The following NWD2 variants were observed in gnomAD, a reference collection of about 807,000 sequenced individuals.
NWD2 encodes NACHT and WD repeat domain containing 2, also known as NACHT and WD repeat domain-containing protein 2.
Under a neutral mutation model 132.7 loss-of-function variants are expected in NWD2, and 37 were observed. The observed-to-expected ratio is 0.28, with a 90% CI of 0.21 to 0.37. NWD2 has a LOEUF of 0.37. Among genes scored for constraint, NWD2 ranks in the 10% least tolerant of loss-of-function variants. The probability of loss-of-function intolerance (pLI) is 1.00; values close to 1 mark genes in which losing one functional copy is unlikely to be tolerated. For synonymous variants in NWD2, 705 were observed against 803.0 expected, an observed-to-expected ratio of 0.88 and a Z score of 2.06; for missense variants, 1,592 against 2,122.4, an observed-to-expected ratio of 0.75 and a Z score of 4.91.
rs530080009 is a variant in NWD2, at chr4:37,439,987, G to A, written c.1296+597G>A. ...GGTAAGGTGGCCAGAAAGTTATTAC[G>A]TAACCAGTGCTGTTCTGAACTGGAC... On this transcript the variant is annotated intron_variant, in intron 6 of 6. Coordinates refer to ENST00000309447, the MANE Select transcript of NWD2 (RefSeq NM_001144990.2). This position sits in a 1 kb window ranked among gnomAD's most constrained non-coding sequence, Gnocchi z 4.5. 8.5e-5 allele frequency among the ~76,000 whole-genome samples: 13 copies of A among 152,224 alleles called. No homozygotes were observed. Among genetic ancestry groups the A allele is most frequent in the South Asian group, 6.2e-4 (3 of 4,814 alleles).
At chr4:37,390,958 CA>C (rs1720668972) in intron 3 of NWD2, among the ~76,000 whole-genome samples, 2 of 152,180 alleles carry the variant, frequency 1.3e-5, no homozygotes, top group South Asian at 4.1e-4. Context: ...AATAAAGTTG[CA>C]GAATTTATCT....
In NWD2 at chr4:37,309,995, G is replaced by A. The variant is rs560004095; in HGVS notation, c.152-15941G>A. Among the ~76,000 whole-genome samples, 3 of 152,158 alleles carry A rather than the reference G, an allele frequency of 2.0e-5. No homozygotes were observed. In the East Asian group the frequency reaches 5.8e-4, roughly 29 times the overall value. On this transcript the variant is annotated intron_variant, in intron 1 of 6. Coordinates refer to ENST00000309447, the MANE Select transcript of NWD2 (RefSeq NM_001144990.2). ...TCTAGCTGGTGAAGATTTATTTCTA[G>A]TTCACTGCCACACTGAAGATACACC...
intron 3 of NWD2, among the ~76,000 whole-genome samples, chr4:37,378,158 C>T (rs1720383250): frequency 6.6e-6 from 1 of 152,132 alleles, no homozygotes; most frequent in Admixed American, 6.6e-5. Context: ...CCACCTATAT[C>T]CCACCCTCCC....
chr4:37,269,826 T>G (rs995650480), intron 1 of NWD2, among the ~76,000 whole-genome samples: 1 of 151,906 alleles, frequency 6.6e-6, no homozygotes, highest in African/African-American at 2.4e-5. Flanking sequence ...TGAACATTTT[T>G]AGAGAGTCTC....
chr4:37,385,093 GCT>G (rs1720533365), intron 3 of NWD2, among the ~76,000 whole-genome samples: 1 of 152,108 alleles, frequency 6.6e-6, no homozygotes, highest in African/African-American at 2.4e-5. Flanking sequence ...GTAGAACCCA[GCT>G]TCATGGAGTG....
chr4:37,356,094 A>G (rs1419884009), intron 2 of NWD2, among the ~76,000 whole-genome samples: 1 of 152,212 alleles, frequency 6.6e-6, no homozygotes, highest in East Asian at 1.9e-4. Flanking sequence ...CAAGACAACA[A>G]AAGCCCGTGC....
intron 1 of NWD2, among the ~76,000 whole-genome samples, chr4:37,264,419 C>A (rs1403898673): frequency 1.3e-5 from 2 of 152,038 alleles, no homozygotes; most frequent in Non-Finnish European, 2.9e-5. Context: ...TTTTCATAAC[C>A]AGCTGACCTT....
At chr4:37,319,902 T>C (rs1719034388) in intron 1 of NWD2, among the ~76,000 whole-genome samples, 1 of 152,208 alleles carries the variant, frequency 6.6e-6, no homozygotes, top group South Asian at 2.1e-4. Flanking sequence ...TGAAGTCAGG[T>C]AATGTGATCC....
intron 3 of NWD2, among the ~76,000 whole-genome samples, chr4:37,413,873 A>G (rs923108744): frequency 6.6e-6 from 1 of 152,192 alleles, no homozygotes; most frequent in African/African-American, 2.4e-5. Flanking sequence ...TCACAAGAAC[A>G]GAAAACCAAA....
intron 1 of NWD2, among the ~76,000 whole-genome samples, chr4:37,284,333 C>T (rs1718183922): frequency 6.6e-6 from 1 of 152,220 alleles, no homozygotes; most frequent in Non-Finnish European, 1.5e-5. Flanking sequence ...CCAAAAGCCT[C>T]TCCCTCTATT....
intron 3 of NWD2, among the ~76,000 whole-genome samples, chr4:37,358,628 C>G (rs55922009): frequency 0.025 from 3,820 of 152,210 alleles, 76 homozygotes; most frequent in Middle Eastern, 0.037. Context: ...CTCCACTATT[C>G]TAAGCCTCAG....
intron 3 of NWD2, among the ~76,000 whole-genome samples, chr4:37,405,133 T>C (rs1401628792): frequency 1.3e-5 from 2 of 152,210 alleles, no homozygotes; most frequent in Admixed American, 6.5e-5. Context: ...GTAAAGATTT[T>C]CCTGTAGTTC....
intron 3 of NWD2, among the ~76,000 whole-genome samples, chr4:37,390,970 G>A (rs1720669115): frequency 6.6e-6 from 1 of 152,178 alleles, no homozygotes; most frequent in Non-Finnish European, 1.5e-5. Flanking sequence ...GAATTTATCT[G>A]TTAAGTGTTC....
intron 3 of NWD2, among the ~76,000 whole-genome samples, chr4:37,384,165 T>G (rs1020352555): frequency 6.6e-5 from 10 of 152,328 alleles, no homozygotes; most frequent in African/African-American, 2.4e-4. Context: ...ATCTTCTGGC[T>G]TTTAAACAGT....
intron 3 of NWD2, among the ~76,000 whole-genome samples, chr4:37,422,147 CA>C (rs1711835005): frequency 6.6e-6 from 1 of 152,196 alleles, no homozygotes; most frequent in Admixed American, 6.5e-5. Context: ...TAGTCCATAG[CA>C]ATACTGGCCT....
chr4:37,384,630 C>T (rs535377339), intron 3 of NWD2, among the ~76,000 whole-genome samples: 1 of 152,330 alleles, frequency 6.6e-6, no homozygotes, highest in Non-Finnish European at 1.5e-5. Flanking sequence ...TCACAGTGCA[C>T]ATGGAGCTCA....
chr4:37,405,364 T>G (rs1362678472), intron 3 of NWD2, among the ~76,000 whole-genome samples: 1 of 152,102 alleles, frequency 6.6e-6, no homozygotes, highest in African/African-American at 2.4e-5. Context: ...AGTCTAATAG[T>G]AGATCAATAA....
intron 2 of NWD2, among the ~76,000 whole-genome samples, chr4:37,346,252 C>A (rs948576529): frequency 1.3e-5 from 2 of 152,056 alleles, no homozygotes; most frequent in African/African-American, 2.4e-5. Flanking sequence ...TGCCCCAACA[C>A]CATTTGTCAA....
intron 1 of NWD2, among the ~76,000 whole-genome samples, chr4:37,247,683 C>T (rs1256066837): frequency 6.6e-6 from 1 of 151,948 alleles, no homozygotes; most frequent in East Asian, 1.9e-4. Context: ...AATCTCGGCT[C>T]ACTGCAACCT....
Sources: allele counts gnomAD v4.1 joint callset (sites outside exome capture counted in the v4.1 genomes callset), GRCh38; gene constraint gnomAD v4.1.1; non-coding constraint Gnocchi (gnomAD v3.1); transcripts MANE v1.5; gene names NCBI Gene and HGNC (gene_info 2026-07-23, HGNC 2026-07-21).